NUP214: variants seen among roughly 807,000 people sequenced by gnomAD.
NUP214 encodes nucleoporin 214.
NUP214 carries 79 observed loss-of-function variants against 196.2 expected under a neutral mutation model. That is an observed-to-expected ratio of 0.40 (90% CI 0.34 to 0.49). The LOEUF is 0.49. Ranked by LOEUF, NUP214 falls within the 20% of genes least tolerant of loss-of-function variation. The pLI is 0.58. For missense variants in NUP214, 2,468 were observed against 2,539.0 expected, an observed-to-expected ratio of 0.97 and a Z score of 0.60; for synonymous variants, 1,020 against 990.5, an observed-to-expected ratio of 1.03 and a Z score of -0.56.
chr9:131,193,016 G>A (rs544059790), intron 27 of NUP214, among the ~76,000 whole-genome samples: 17 of 144,156 alleles, frequency 1.2e-4, no homozygotes, highest in Non-Finnish European at 2.1e-4. Context: ...AGAATGTAAT[G>A]AAAGATAATA....
At chr9:131,186,711 G>C (rs756996541) in intron 24 of NUP214, among the ~76,000 whole-genome samples, 44 of 152,224 alleles carry the variant, frequency 2.9e-4, no homozygotes, top group Non-Finnish European at 5.0e-4. Context: ...AAAAGATGAT[G>C]AGAGCTCTTT....
Position 131,189,098 on chromosome 9 carries a change from T to C in NUP214, c.3541T>C (p.Ser1181Pro). 1.2e-6 allele frequency: 2 copies of C among 1,614,130 alleles called. No homozygotes were observed. The highest frequency in any genetic ancestry group is 1.7e-6 in the Non-Finnish European group (2 of 1,179,960). The change falls in exon 26 of 36, where the codon TCC (serine) becomes CCC (proline). Residue 1181 changes from serine (S) to proline (P), a missense_variant. Transcript: ENST00000359428. The stretch of plus-strand genomic sequence containing the variant: ...TAAGCCATCTGGGCCTACACCAGCA[T>C]CCGGTCAGTTATCATCTGGTGACAA... Reference protein sequence around the residue: ...SLKPSGPTPASGQLSSGDKAS... With the variant: ...SLKPSGPTPAPGQLSSGDKAS...
rs7024459 is a variant in NUP214 at position 131,170,698 on chromosome 9, G to A, written c.2894-3357G>A. Reference sequence around the variant, plus strand: ...TGGCAGAATTCATTTATTCTAACACGTCTGTAGCTGTTTCTTGGCCTTGTA... The same window carrying A: ...TGGCAGAATTCATTTATTCTAACACATCTGTAGCTGTTTCTTGGCCTTGTA... On this transcript the variant is annotated intron_variant, in intron 21 of 35. Transcript: ENST00000359428. Among the ~76,000 whole-genome samples, 1,017 of 152,088 alleles carry A rather than the reference G, an allele frequency of 6.7e-3. 40 individuals carry two copies. The highest frequency in any genetic ancestry group is 0.059 in the Admixed American group (896 of 15,262).
intron 21 of NUP214, among the ~76,000 whole-genome samples, chr9:131,170,386 G>C (rs920712608): frequency 1.1e-4 from 17 of 152,104 alleles, no homozygotes; most frequent in Non-Finnish European, 1.5e-5. Context: ...GATTGGAATT[G>C]TATTGAGTCT....
At chr9:131,151,965 G>A in intron 17 of NUP214, 71 bp downstream of exon 17, 2 of 1,261,098 alleles carry the variant, frequency 1.6e-6, no homozygotes, top group African/African-American at 1.5e-5. Flanking sequence ...ACCTCTTTTT[G>A]CATATAGATT....
rs1034483007 is a variant in NUP214, at chr9:131,125,620, G to C, written c.-85G>C. 3 of 1,539,658 alleles carry C rather than the reference G, an allele frequency of 1.9e-6. No individual in the cohort carries two copies. Among genetic ancestry groups the C allele is most frequent in the Non-Finnish European group, 2.6e-6 (3 of 1,141,886 alleles). The stretch of plus-strand genomic sequence containing the variant: ...TGCGCGCCGCTGGCGCTGAGGGGAG[G>C]AAGTTTGCTGTCGAGCGGCCTGGGT... On this transcript the variant is annotated 5_prime_UTR_variant, in exon 1 of 36. Transcript: ENST00000359428. This position sits in a 1 kb window ranked among gnomAD's most constrained non-coding sequence, Gnocchi z 4.1.
chr9:131,130,161 T>TTTTTTTTTTTTTTTG (rs1554728091), intron 4 of NUP214, among the ~76,000 whole-genome samples: 2 of 136,412 alleles, frequency 1.5e-5, no homozygotes, highest in Non-Finnish European at 3.2e-5. Context: ...GTTTTTTTTT[T>TTTTTTTTTTTTTTTG]GAGACAGAGT....
At chr9:131,173,011 A>G (rs1833001785) in intron 21 of NUP214, among the ~76,000 whole-genome samples, 1 of 152,248 alleles carries the variant, frequency 6.6e-6, no homozygotes, top group Admixed American at 6.5e-5. Context: ...TAGTCTAAAC[A>G]GAAGGCCGGG....
chr9:131,132,494 A>G (rs1831586815), intron 5 of NUP214, 102 bp from the exon 6 acceptor site: 1 of 980,938 alleles, frequency 1.0e-6, no homozygotes. Flanking sequence ...GGCCAAGGAG[A>G]TGGAACAGGT....
intron 18 of NUP214, among the ~76,000 whole-genome samples, chr9:131,159,897 C>A (rs571864197): frequency 6.7e-6 from 1 of 150,322 alleles, no homozygotes; most frequent in African/African-American, 2.4e-5. Context: ...CTCTACAAAA[C>A]GTTCATTCTT....
At position 131,135,101 on chromosome 9, in the gene NUP214, T is replaced by G. The variant is rs1831679970; in HGVS notation, c.938+97T>G. On this transcript the variant is annotated intron_variant, in intron 8 of 35. Transcript: ENST00000359428. ...TTGAAATCTTTTCTGATTGATTGAT[T>G]GATGGATTGGCAGGGTCTCACTCCA... is the stretch of plus-strand genomic sequence containing the variant. 1.5e-5 allele frequency: 13 copies of G among 869,172 alleles called. No individual in the cohort carries two copies. The Admixed American group carries it at 1.6e-4, about 11-fold the overall frequency. 53.8% of individuals were successfully genotyped at this position (869,172 alleles called of 1,614,324 possible).
intron 8 of NUP214, 70 bp downstream of exon 8, chr9:131,135,074 T>C: frequency 9.3e-7 from 1 of 1,079,050 alleles, no homozygotes; most frequent in South Asian, 1.3e-5. Flanking sequence ...CCTTGTCCCA[T>C]GTTGAAATCT....
intron 24 of NUP214, 50 bp downstream of exon 24, chr9:131,178,460 C>T (rs1358001595): frequency 9.0e-6 from 12 of 1,331,996 alleles, no homozygotes; most frequent in Admixed American, 5.3e-5. Flanking sequence ...TCTGTAGTAG[C>T]GGTGGACTGC....
intron 11 of NUP214, chr9:131,141,574 C>G (rs534101451): frequency 6.8e-6 from 1 of 146,606 alleles, no homozygotes; most frequent in South Asian, 2.2e-4. Context: ...GCCCTAATCT[C>G]CCAGGCTCAG....
chr9:131,205,456 C>A (rs1242089989), intron 30 of NUP214, among the ~76,000 whole-genome samples: 1 of 152,128 alleles, frequency 6.6e-6, no homozygotes, highest in East Asian at 1.9e-4. Flanking sequence ...TATACAAAAT[C>A]CCTCTTGGCC....
chr9:131,228,110 T>C (rs377200386), intron 32 of NUP214, 50 bp from the exon 33 acceptor site: 14 of 1,481,520 alleles, frequency 9.4e-6, no homozygotes, highest in Non-Finnish European at 1.2e-5. Flanking sequence ...TCTTCCTGTC[T>C]CCTCCTTTCT....
At chr9:131,137,946 C>G (rs1455332629) in intron 9 of NUP214, among the ~76,000 whole-genome samples, 1 of 152,164 alleles carries the variant, frequency 6.6e-6, no homozygotes, top group Non-Finnish European at 1.5e-5. Context: ...TGCGTCTTCT[C>G]TTTTGTAAAA....
At chr9:131,164,849 G>A (rs184995316) in intron 21 of NUP214, 75 of 152,198 alleles carry the variant, frequency 4.9e-4, no homozygotes, top group African/African-American at 1.7e-3. Context: ...AAAAATTTGT[G>A]ACAATTTTAG....
chr9:131,183,309 TC>T, intron 24 of NUP214, among the ~76,000 whole-genome samples: 1 of 152,374 alleles, frequency 6.6e-6, no homozygotes, highest in South Asian at 2.1e-4. Flanking sequence ...GGTCTCGAAC[TC>T]CTGACCTCAG....
Sources: gnomAD v4.1 joint callset for allele counts (sites outside exome capture counted in the v4.1 genomes callset) on GRCh38, gnomAD v4.1.1 for gene constraint, Gnocchi (gnomAD v3.1) non-coding constraint, MANE v1.5 for transcripts, NCBI Gene and HGNC (gene_info 2026-07-23, HGNC 2026-07-21) for gene names.